ZDHHC14: variants seen among roughly 807,000 people sequenced by gnomAD.
The protein encoded by ZDHHC14 is zDHHC palmitoyltransferase 14.
ZDHHC14 carries 16 observed loss-of-function variants against 47.7 expected under a neutral mutation model. The ratio of observed to expected loss-of-function variants is 0.34; its 90% CI spans 0.23 to 0.51. The LOEUF (loss-of-function observed/expected upper bound fraction) is 0.51. Among genes scored for constraint, ZDHHC14 ranks in the 20% least tolerant of loss-of-function variants. ZDHHC14 has a pLI of 0.97. For synonymous variants in ZDHHC14, 293 were observed against 278.9 expected, an observed-to-expected ratio of 1.05 and a Z score of -0.50; for missense variants, 515 against 662.5, an observed-to-expected ratio of 0.78 and a Z score of 2.44.
At chr6:157,658,970 A>T (rs1778227462) in intron 8 of ZDHHC14, among the ~76,000 whole-genome samples, 1 of 152,136 alleles carries the variant, frequency 6.6e-6, no homozygotes, top group African/African-American at 2.4e-5. Flanking sequence ...TGTTTTGATT[A>T]CTAATTCACT....
At chr6:157,542,400 A>G (rs903715572) in intron 1 of ZDHHC14, among the ~76,000 whole-genome samples, 185 bp from the exon 2 acceptor site, 2 of 152,206 alleles carry the variant, frequency 1.3e-5, no homozygotes, top group African/African-American at 4.8e-5. Context: ...AATTGTCTGT[A>G]AGACAGAACT....
intron 7 of ZDHHC14, among the ~76,000 whole-genome samples, chr6:157,649,306 G>A (rs552081434): frequency 6.6e-6 from 1 of 152,324 alleles, no homozygotes; most frequent in East Asian, 1.9e-4. Flanking sequence ...TTGGGTGAAG[G>A]CAGAGCAAGA....
intron 3 of ZDHHC14, among the ~76,000 whole-genome samples, chr6:157,593,618 C>A (rs1295738007): frequency 6.6e-6 from 1 of 152,198 alleles, no homozygotes; most frequent in Non-Finnish European, 1.5e-5. Context: ...GATCTGTATT[C>A]TTCCCGGAGA....
intron 4 of ZDHHC14, among the ~76,000 whole-genome samples, chr6:157,629,172 A>G (rs1188632777): frequency 2.0e-5 from 3 of 152,168 alleles, no homozygotes; most frequent in African/African-American, 7.2e-5. Flanking sequence ...TTCATTTTCC[A>G]TTCTGAGGGT....
intron 8 of ZDHHC14, among the ~76,000 whole-genome samples, chr6:157,669,509 T>C (rs672764): frequency 0.4 from 61,159 of 152,090 alleles, 13,846 homozygotes; most frequent in African/African-American, 0.6. Context: ...TGACCTTGAC[T>C]GTCTCCTCCA....
At position 157,637,843 on chromosome 6, in the gene ZDHHC14, A is replaced by G. The variant is rs142809501; in HGVS notation, c.752+4961A>G. ...CTCTGCAAAATATCCAACTAAAAAC[A>G]ATGTCATTGAGGAAGCGAGAGAGAT... On this transcript the variant is annotated intron_variant, in intron 5 of 8. Coordinates refer to ENST00000359775, the MANE Select transcript of ZDHHC14 (RefSeq NM_024630.3). Among the ~76,000 whole-genome samples, 531 of 152,362 alleles carry G rather than the reference A, an allele frequency of 3.5e-3. 8 individuals carry two copies. The highest frequency in any genetic ancestry group is 0.012 in the African/African-American group (504 of 41,560).
At chr6:157,607,427 C>T (rs1329794502) in intron 3 of ZDHHC14, among the ~76,000 whole-genome samples, 1 of 152,154 alleles carries the variant, frequency 6.6e-6, no homozygotes, top group Non-Finnish European at 1.5e-5. Context: ...CTACAGTAGG[C>T]TCCTTCCGCT....
chr6:157,659,571 A>C (rs571155631), intron 8 of ZDHHC14, among the ~76,000 whole-genome samples: 2 of 152,340 alleles, frequency 1.3e-5, no homozygotes, highest in East Asian at 3.9e-4. Context: ...ATCCCAGGCA[A>C]CAAAGACCAT....
chr6:157,639,670 G>A (rs1021943836), intron 5 of ZDHHC14, among the ~76,000 whole-genome samples: 1 of 152,152 alleles, frequency 6.6e-6, no homozygotes, highest in African/African-American at 2.4e-5. Context: ...AGGCCCCCAC[G>A]GGGGAAATCG....
chr6:157,585,751 GC>G (rs1364558787), intron 2 of ZDHHC14, among the ~76,000 whole-genome samples: 3 of 152,250 alleles, frequency 2.0e-5, no homozygotes, highest in Non-Finnish European at 2.9e-5. Context: ...GGCCTTCTCA[GC>G]CGGCCCTTTT....
At chr6:157,494,752 T>C (rs1405013794) in intron 1 of ZDHHC14, among the ~76,000 whole-genome samples, 2 of 152,214 alleles carry the variant, frequency 1.3e-5, no homozygotes, top group Admixed American at 6.5e-5. Context: ...AGGGAGACAA[T>C]GATAAATTGC....
intron 4 of ZDHHC14, chr6:157,632,024 A>G (rs1785765982): frequency 6.6e-6 from 1 of 152,272 alleles, no homozygotes; most frequent in African/African-American, 2.4e-5. Flanking sequence ...AGTGGGGCAC[A>G]TGGGGACACG....
chr6:157,590,513 TC>T (rs1783868540), intron 2 of ZDHHC14, among the ~76,000 whole-genome samples: 1 of 152,196 alleles, frequency 6.6e-6, no homozygotes, highest in South Asian at 2.1e-4. Flanking sequence ...GTGGTGTTGG[TC>T]CTGTAGGTGC....
chr6:157,583,095 C>G (rs1294715837), intron 2 of ZDHHC14, among the ~76,000 whole-genome samples: 2 of 151,890 alleles, frequency 1.3e-5, no homozygotes, highest in Non-Finnish European at 2.9e-5. Context: ...TTTATAATGA[C>G]TGTTTCATCT....
intron 8 of ZDHHC14, among the ~76,000 whole-genome samples, chr6:157,660,526 C>G (rs1255766957): frequency 6.6e-6 from 1 of 152,188 alleles, no homozygotes; most frequent in Non-Finnish European, 1.5e-5. Flanking sequence ...ATATTTCCAT[C>G]TGAAAAGCCC....
intron 8 of ZDHHC14, among the ~76,000 whole-genome samples, chr6:157,656,602 A>G (rs1489765439): frequency 6.6e-6 from 1 of 151,108 alleles, no homozygotes; most frequent in African/African-American, 2.4e-5. Context: ...TCCCAAAGTG[A>G]TAGGATTACA....
intron 2 of ZDHHC14, among the ~76,000 whole-genome samples, chr6:157,551,640 GC>G (rs1782238509): frequency 1.3e-5 from 2 of 152,170 alleles, no homozygotes; most frequent in South Asian, 2.1e-4. Flanking sequence ...GAGAAGCACA[GC>G]CCTGGGGCCT....
intron 1 of ZDHHC14, among the ~76,000 whole-genome samples, chr6:157,409,055 C>T (rs1430796159): frequency 3.3e-5 from 5 of 152,332 alleles, no homozygotes; most frequent in South Asian, 2.1e-4. Context: ...AGAGCTACTG[C>T]GTGGCATTCC....
At chr6:157,512,700 A>G (rs544038089) in intron 1 of ZDHHC14, among the ~76,000 whole-genome samples, 1 of 152,286 alleles carries the variant, frequency 6.6e-6, no homozygotes, top group Non-Finnish European at 1.5e-5. Context: ...AGAAAGAAAG[A>G]AAAAAAGACA....
Sources: gnomAD v4.1 joint callset for allele counts (sites outside exome capture counted in the v4.1 genomes callset) on GRCh38, gnomAD v4.1.1 for gene constraint, MANE v1.5 for transcripts, NCBI Gene and HGNC (gene_info 2026-07-23, HGNC 2026-07-21) for gene names.